The following SH2D3A variants were observed in gnomAD, a reference collection of about 807,000 sequenced individuals.
SH2D3A encodes SH2 domain-containing protein 3A.
Under a neutral mutation model 50.6 loss-of-function variants are expected in SH2D3A, and 46 were observed. The observed-to-expected ratio is 0.91, with a 90% CI of 0.72 to 1.16. SH2D3A has a LOEUF of 1.16. Ranked by LOEUF, SH2D3A falls within the 50% of genes most tolerant of loss-of-function variation. The pLI is 0.00. For synonymous variants in SH2D3A, 377 were observed against 348.4 expected, an observed-to-expected ratio of 1.08 and a Z score of -0.91; for missense variants, 783 against 786.2, an observed-to-expected ratio of 1.00 and a Z score of 0.05.
At position 6,753,073 on chromosome 19, in the gene SH2D3A, G is replaced by C. The variant is rs575829744; in HGVS notation, c.1571-320C>G. 151 of 985,396 alleles carry C rather than the reference G, an allele frequency of 1.5e-4. 1 individual carries two copies. The South Asian group carries it at 5.5e-3, about 36-fold the overall frequency. 61.0% of individuals were successfully genotyped at this position (985,396 alleles called of 1,614,324 possible). ...CGAGGACGGGATCCCAGGTTGTCGG[G>C]GAAGGTGGGGGGATCTTGCCGGGTG... On this transcript the variant is annotated intron_variant, in intron 9 of 9. Coordinates refer to ENST00000245908, the MANE Select transcript of SH2D3A (RefSeq NM_005490.3).
chr19:6,760,011 G>A (rs1969918170), intron 3 of SH2D3A, among the ~76,000 whole-genome samples: 3 of 152,008 alleles, frequency 2.0e-5, no homozygotes, highest in Admixed American at 6.6e-5. Context: ...AGGCTGAGGC[G>A]GGCGGTCACG....
chr19:6,759,297 G>T, intron 4 of SH2D3A: 1 of 290,534 alleles, frequency 3.4e-6, no homozygotes, highest in South Asian at 3.2e-5. Flanking sequence ...GTTTTTAGTG[G>T]AGATGGGGTT....
chr19:6,762,366 G>C (rs1446007029), intron 2 of SH2D3A, among the ~76,000 whole-genome samples: 1 of 150,748 alleles, frequency 6.6e-6, no homozygotes, highest in Non-Finnish European at 1.5e-5. Flanking sequence ...TGTATTTTTA[G>C]TAGAGAGGGG....
chr19:6,762,998 TC>T lies in SH2D3A; in HGVS notation c.69+681del, dbSNP rs541126007. ...TCATGATTTCATGAGATGCTCAGGG[TC>T]CCAGAATTTTTGGGGGTGACAACTG... On this transcript the variant is annotated intron_variant, in intron 2 of 9. Coordinates refer to ENST00000245908, the MANE Select transcript of SH2D3A (RefSeq NM_005490.3). Among the ~76,000 whole-genome samples the T allele has an allele frequency of 1.9e-4, 29 of 152,270 alleles. No individual in the cohort carries two copies. In the East Asian group the frequency reaches 5.4e-3, roughly 28 times the overall value.
intron 4 of SH2D3A, chr19:6,759,361 C>T: frequency 2.6e-6 from 1 of 391,686 alleles, no homozygotes; most frequent in South Asian, 2.4e-5. Context: ...GATCCACCGG[C>T]CTCGGCCTCC....
Position 6,762,253 on chromosome 19 carries a change from G to T in SH2D3A, c.70-1266C>A, listed in dbSNP as rs578159186. ...GGCTGGAGTGCAATGGCACAATCTC[G>T]GCTCACTGCAACCTCTGCCTCCTGG... is the stretch of plus-strand genomic sequence containing the variant. On this transcript the variant is annotated intron_variant, in intron 2 of 9. Transcript: ENST00000245908. Among the ~76,000 whole-genome samples, 17 of 151,902 alleles carry T rather than the reference G, an allele frequency of 1.1e-4. No homozygotes were observed. The South Asian group carries it at 3.3e-3, about 30-fold the overall frequency.
Position 6,754,445 on chromosome 19 carries a change from G to A in SH2D3A, c.1098-20C>T. ...TGATGCCTGCAGAGGTGGAGGGCAA[G>A]GGTCTGGGGGAAGTGGGGAGGTTTG... On this transcript the variant is annotated intron_variant, in intron 6 of 9. Coordinates refer to ENST00000245908, the MANE Select transcript of SH2D3A (RefSeq NM_005490.3). 3 of 1,527,084 alleles carry A rather than the reference G, an allele frequency of 2.0e-6. No individual in the cohort carries two copies. The highest frequency in any genetic ancestry group is 2.6e-6 in the Non-Finnish European group (3 of 1,145,048). 94.6% of individuals were successfully genotyped at this position (1,527,084 alleles called of 1,614,324 possible). A position where few individuals can be genotyped will look rare whatever the true frequency, so the allele number is the denominator to read the frequency against.
At chr19:6,759,751 G>C (rs1969902547) in intron 3 of SH2D3A, 81 bp from the exon 4 acceptor site, 2 of 1,414,992 alleles carry the variant, frequency 1.4e-6, no homozygotes, top group Non-Finnish European at 2.0e-6. Context: ...CCTGTGTCCA[G>C]TTACTCTGTA....
In SH2D3A at chr19:6,754,121, GGCTCCTTCGGA is replaced by G. The variant is rs771419320; in HGVS notation, c.1304_1314del (p.Leu435ProfsTer9). ...TCAAAGGCCAGCGCAGCCTCCGTGT[GGCTCCTTCGGA>G]GCTGGCGCCACGTGTGCTCCAACCG... On this transcript the variant is annotated frameshift_variant, in exon 8 of 10. Coordinates refer to ENST00000245908, the MANE Select transcript of SH2D3A (RefSeq NM_005490.3). LOFTEE classifies it high-confidence loss of function. The G allele has an allele frequency of 6.8e-6, 11 of 1,613,478 alleles. No homozygotes were observed. The highest frequency in any genetic ancestry group is 8.5e-6 in the Non-Finnish European group (10 of 1,179,834).
At chr19:6,757,329 T>TA (rs1215615677) in intron 4 of SH2D3A, 24 of 148,222 alleles carry the variant, frequency 1.6e-4, no homozygotes, top group African/African-American at 5.4e-4. Context: ...TTTTTTTTTT[T>TA]AAATTTGAGT....
Position 6,766,760 on chromosome 19 carries a change from C to T in SH2D3A, c.-69+627G>A, listed in dbSNP as rs147117206. Among the ~76,000 whole-genome samples the T allele has an allele frequency of 2.8e-4, 43 of 152,298 alleles. 1 individual carries two copies. The highest frequency in any genetic ancestry group is 2.1e-4 in the South Asian group (1 of 4,824). On this transcript the variant is annotated intron_variant, in intron 1 of 9. Coordinates refer to ENST00000245908, the MANE Select transcript of SH2D3A (RefSeq NM_005490.3). The stretch of plus-strand genomic sequence containing the variant: ...GCACAAGATGAATGGAGAAGACAGA[C>T]CATTTCTAAGAGTTATCAATGAAAG...
intron 3 of SH2D3A, among the ~76,000 whole-genome samples, chr19:6,760,270 G>A (rs1969935344): frequency 6.6e-6 from 1 of 152,248 alleles, no homozygotes; most frequent in Admixed American, 6.5e-5. Flanking sequence ...CAGCTACTCG[G>A]GAAGCTGAGA....
In SH2D3A at chr19:6,755,295, A is replaced by G; in HGVS notation, c.517T>C (p.Ser173Pro). ...AGMEASTMPI[S>P]ALPRTSSDPV... The stretch of plus-strand genomic sequence containing the variant: ...TCACTGCTCGTTCGGGGCAAGGCAG[A>G]TATGGGCATGGTGGAGGCTTCTAGA... The change falls in exon 5 of 10, where the codon TCT (serine) becomes CCT (proline). Residue 173 changes from serine to proline, a missense_variant. Physicochemically the swap from Ser to Pro is moderately conservative, Grantham distance 74. Coordinates refer to ENST00000245908, the MANE Select transcript of SH2D3A (RefSeq NM_005490.3). The G allele has an allele frequency of 6.6e-7, 1 of 1,514,410 alleles. No homozygotes were observed. The highest frequency in any genetic ancestry group is 8.8e-7 in the Non-Finnish European group (1 of 1,131,336). The allele number at this position is 1,514,410 out of a possible 1,614,324, so 93.8% of individuals were successfully genotyped here.
intron 1 of SH2D3A, among the ~76,000 whole-genome samples, chr19:6,766,243 C>G (rs192099815): frequency 2.6e-5 from 4 of 152,184 alleles, no homozygotes; most frequent in Admixed American, 6.5e-5. Context: ...TAGCCTCGGT[C>G]GCAGAGTTTC....
intron 4 of SH2D3A, chr19:6,757,987 C>T (rs918831174): frequency 6.6e-6 from 1 of 152,052 alleles, no homozygotes; most frequent in African/African-American, 2.4e-5. Context: ...TTGCAATATA[C>T]ATCTCCATCT....
intron 4 of SH2D3A, among the ~76,000 whole-genome samples, chr19:6,756,349 G>C (rs368284098): frequency 2.6e-5 from 4 of 151,260 alleles, no homozygotes; most frequent in East Asian, 1.9e-4. Flanking sequence ...TCTATAGAGA[G>C]ACAAAGTATA....
chr19:6,755,028 C>T lies in SH2D3A; in HGVS notation c.784G>A (p.Glu262Lys), dbSNP rs373167269. The T allele has an allele frequency of 3.6e-5, 58 of 1,613,898 alleles. 1 individual carries two copies. The East Asian group carries it at 4.0e-4, about 11-fold the overall frequency. ...EPEAPWWEAEEDEEEENRCFT... is the reference protein window; with the variant it reads ...EPEAPWWEAEKDEEEENRCFT... ...CATCTATTCTCTTCCTCCTCATCCT[C>T]CTCGGCCTCCCACCATGGGGCCTCT... is the stretch of plus-strand genomic sequence containing the variant. The change falls in exon 5 of 10, where the codon GAG becomes AAG. Residue 262 changes from glutamate (E) to lysine (K), a missense_variant. Glu to Lys is a moderately conservative substitution (Grantham distance 56, BLOSUM62 1). Coordinates refer to ENST00000245908, the MANE Select transcript of SH2D3A (RefSeq NM_005490.3).
Position 6,760,868 on chromosome 19 carries a change from G to A in SH2D3A, c.189C>T (p.Phe63=), listed in dbSNP as rs1281654489. 1 of 1,614,228 alleles carries A rather than the reference G, an allele frequency of 6.2e-7. No homozygotes were observed. Residue 63 remains phenylalanine, a synonymous_variant, in exon 3 of 10, where the codon TTC becomes TTT. Transcript: ENST00000245908. ...CTGGCCGGGGACGCAGGGCCACACG[G>A]AACACCTCAAAATGGAGGGCTGAGC... The part of the protein sequence containing the change: ...WRGSALHFEV[F]RVALRPRPGR...
intron 2 of SH2D3A, among the ~76,000 whole-genome samples, chr19:6,762,206 G>A (rs984851143): frequency 2.0e-5 from 3 of 151,914 alleles, no homozygotes; most frequent in Non-Finnish European, 4.4e-5. Flanking sequence ...TCTTTGGGAC[G>A]GAGTTTCACT....
Sources: allele counts gnomAD v4.1 joint callset (sites outside exome capture counted in the v4.1 genomes callset), GRCh38; gene constraint gnomAD v4.1.1; transcripts MANE v1.5; gene names NCBI Gene and HGNC (gene_info 2026-07-23, HGNC 2026-07-21).